The following USP28 variants were observed in gnomAD, a reference collection of about 807,000 sequenced individuals.
USP28 encodes ubiquitin specific peptidase 28.
A neutral mutation model predicts 145.0 loss-of-function variants in USP28; 113 were observed. The observed-to-expected ratio is 0.78, with a 90% CI of 0.67 to 0.91. The LOEUF (loss-of-function observed/expected upper bound fraction) is 0.91. Ranked by LOEUF, USP28 falls within the 40% of genes least tolerant of loss-of-function variation. The pLI is 0.00. For missense variants in USP28, 1,201 were observed against 1,289.6 expected (o/e 0.93, Z 1.05); for synonymous variants, 447 against 450.9 (o/e 0.99, Z 0.11).
exon 25 of USP28, chr11:113,799,169 A>C: frequency 6.6e-7 from 1 of 1,523,314 alleles, no homozygotes; most frequent in South Asian, 1.3e-5. Flanking sequence ...CAAGGTGAGC[A>C]CTATGACAAC....
chr11:113,841,587 A>G lies in USP28; in HGVS notation c.374+76T>C, dbSNP rs546688516. ...CAGGTGCTTAACAGAATTATTCCTG[A>G]GTGGCATTCACAGAGCTGTTGCCTT... is the stretch of plus-strand genomic sequence containing the variant. On this transcript the variant is annotated intron_variant, in intron 4 of 24. Coordinates refer to ENST00000003302, the Ensembl canonical transcript of USP28. 2.0e-5 allele frequency: 17 copies of G among 849,316 alleles called. No individual in the cohort carries two copies. The South Asian group carries it at 3.2e-4, about 16-fold the overall frequency. 52.6% of individuals were successfully genotyped at this position (849,316 alleles called of 1,614,324 possible).
intron 1 of USP28, among the ~76,000 whole-genome samples, chr11:113,869,617 C>T (rs1372442817): frequency 6.6e-6 from 1 of 151,970 alleles, no homozygotes; most frequent in Non-Finnish European, 1.5e-5. Context: ...ATCTCAGTTT[C>T]CTCATCAGTA....
At chr11:113,824,957 A>T (rs1003065704) in intron 11 of USP28, among the ~76,000 whole-genome samples, 5 of 149,752 alleles carry the variant, frequency 3.3e-5, no homozygotes, top group Non-Finnish European at 5.9e-5. Flanking sequence ...AAAAGATGTC[A>T]ATTTTCCCCA....
chr11:113,851,941 T>C (rs1946499163), intron 3 of USP28, among the ~76,000 whole-genome samples: 1 of 152,258 alleles, frequency 6.6e-6, no homozygotes, highest in Non-Finnish European at 1.5e-5. Context: ...AAAAACAAGC[T>C]AAATGCAGGC....
At chr11:113,860,464 C>G (rs545851839) in intron 1 of USP28, among the ~76,000 whole-genome samples, 23 of 143,796 alleles carry the variant, frequency 1.6e-4, no homozygotes, top group South Asian at 1.5e-3. Flanking sequence ...AAAGAAAAAA[C>G]AAAAAACAAA....
chr11:113,812,457 A>G (rs368091893), exon 16 of USP28: 56 of 1,614,120 alleles, frequency 3.5e-5, no homozygotes, highest in Middle Eastern at 1.6e-4. Flanking sequence ...AGTGTCCAGC[A>G]TTTGCTTGTC....
intron 14 of USP28, among the ~76,000 whole-genome samples, chr11:113,814,882 C>A (rs2135473546): frequency 7.6e-6 from 1 of 132,340 alleles, no homozygotes; most frequent in African/African-American, 3.0e-5. Flanking sequence ...AACCCCATCT[C>A]TACTAAAAAA....
intron 1 of USP28, among the ~76,000 whole-genome samples, chr11:113,866,880 T>C (rs564729668): frequency 1.3e-5 from 2 of 152,200 alleles, no homozygotes; most frequent in South Asian, 4.1e-4. Flanking sequence ...AACCAAAAGG[T>C]GTAAATAACT....
exon 2 of USP28, chr11:113,854,298 G>T: frequency 6.2e-7 from 1 of 1,614,118 alleles, no homozygotes; most frequent in Non-Finnish European, 8.5e-7. Context: ...CTGAATGCCT[G>T]TGATTTCTCT....
intron 3 of USP28, among the ~76,000 whole-genome samples, chr11:113,846,709 G>A (rs1372776152): frequency 2.0e-5 from 3 of 152,282 alleles, no homozygotes; most frequent in Middle Eastern, 3.4e-3. Context: ...CCAATTATCA[G>A]GCTGGGCACT....
At chr11:113,855,708 G>A in intron 1 of USP28, among the ~76,000 whole-genome samples, 1 of 152,130 alleles carries the variant, frequency 6.6e-6, no homozygotes, top group East Asian at 1.9e-4. Flanking sequence ...CTTGAGGTTG[G>A]GAGTTCGAGA....
At chr11:113,823,733 T>A (rs1163450518) in intron 11 of USP28, 33 bp from the exon 12 acceptor site, 3 of 1,501,260 alleles carry the variant, frequency 2.0e-6, no homozygotes, top group Non-Finnish European at 2.7e-6. Flanking sequence ...ACAATTTATA[T>A]TATAAAACAT....
intron 1 of USP28, among the ~76,000 whole-genome samples, chr11:113,867,822 G>GAAGGGAGGGAGGAAGA (rs1323693949): frequency 2.6e-5 from 3 of 116,060 alleles, no homozygotes; most frequent in Non-Finnish European, 5.1e-5. Context: ...AGGGAGGGAG[G>GAAGGGAGGGAGGAAGA]AAGGGAGGGA....
At chr11:113,850,898 C>CTGAAA (rs1337706553) in intron 3 of USP28, among the ~76,000 whole-genome samples, 1 of 152,224 alleles carries the variant, frequency 6.6e-6, no homozygotes, top group East Asian at 1.9e-4. Context: ...TCTGACACTT[C>CTGAAA]TGCCGTGAAT....
intron 23 of USP28, among the ~76,000 whole-genome samples, chr11:113,802,618 G>C (rs558273510): frequency 6.6e-6 from 1 of 152,308 alleles, no homozygotes; most frequent in African/African-American, 2.4e-5. Flanking sequence ...CAGGCCAGGA[G>C]AGAGTTAGTC....
chr11:113,845,389 TC>T (rs1294735513), intron 3 of USP28, among the ~76,000 whole-genome samples: 4 of 151,088 alleles, frequency 2.6e-5, no homozygotes, highest in Non-Finnish European at 5.9e-5. Flanking sequence ...TGAGCTGAGA[TC>T]GCGCCACTGC....
At chr11:113,855,639 G>A (rs1280477939) in intron 1 of USP28, among the ~76,000 whole-genome samples, 2 of 152,116 alleles carry the variant, frequency 1.3e-5, no homozygotes, top group Non-Finnish European at 2.9e-5. Context: ...TAAAGAGGTC[G>A]GGCATGGTGG....
chr11:113,874,764 AG>A (rs1451545340), intron 1 of USP28: 12 of 1,159,972 alleles, frequency 1.0e-5, no homozygotes, highest in Non-Finnish European at 2.2e-6. Flanking sequence ...CACTCTCACC[AG>A]ATTCTTAGAT....
At chr11:113,844,172 G>A (rs1204683511) in intron 3 of USP28, among the ~76,000 whole-genome samples, 1 of 152,120 alleles carries the variant, frequency 6.6e-6, no homozygotes. Flanking sequence ...CGGGCATGGT[G>A]GCTCACATCT....
Sources: allele counts gnomAD v4.1 joint callset (sites outside exome capture counted in the v4.1 genomes callset), GRCh38; gene constraint gnomAD v4.1.1; transcripts MANE v1.5; gene names NCBI Gene and HGNC (gene_info 2026-07-23, HGNC 2026-07-21).